Variants in LRMDA observed in about 807,000 individuals in gnomAD.
The protein encoded by LRMDA is leucine rich melanocyte differentiation associated.
LRMDA carries 18 observed loss-of-function variants against 29.8 expected under a neutral mutation model. That is an observed-to-expected ratio of 0.60 (90% CI 0.42 to 0.90). The LOEUF is 0.90. Among genes scored for constraint, LRMDA ranks in the 40% least tolerant of loss-of-function variants. The pLI, the probability that LRMDA is intolerant of heterozygous loss-of-function variation, is 0.00. For missense variants in LRMDA, 273 were observed against 273.9 expected, an observed-to-expected ratio of 1.00 and a Z score of 0.02; for synonymous variants, 125 against 109.4, an observed-to-expected ratio of 1.14 and a Z score of -0.89.
At chr10:76,119,291 C>T (rs1449647413) in intron 5 of LRMDA, among the ~76,000 whole-genome samples, 1 of 151,954 alleles carries the variant, frequency 6.6e-6, no homozygotes. Context: ...GCCAAGGCTC[C>T]TCACACTTAA....
intron 6 of LRMDA, among the ~76,000 whole-genome samples, chr10:76,539,980 A>G (rs934353144): frequency 3.2e-5 from 4 of 124,354 alleles, no homozygotes; most frequent in Admixed American, 2.2e-4. Context: ...TGATATCAAC[A>G]TGTTCACACA....
chr10:76,324,611 G>A (rs1840812568), intron 6 of LRMDA, 126 bp downstream of exon 6: 2 of 779,506 alleles, frequency 2.6e-6, no homozygotes, highest in Non-Finnish European at 4.3e-6. Flanking sequence ...AGTCCTTGAT[G>A]AGAAAACCAT....
intron 6 of LRMDA, among the ~76,000 whole-genome samples, chr10:76,449,849 G>A (rs1842388829): frequency 6.6e-6 from 1 of 151,878 alleles, no homozygotes; most frequent in Non-Finnish European, 1.5e-5. Flanking sequence ...GTATTTATCA[G>A]TGTTTATTCC....
rs143591902 is a variant in LRMDA, at chr10:75,526,207, A to G, written c.131+87713A>G. 5.1e-4 allele frequency among the ~76,000 whole-genome samples: 78 copies of G among 152,138 alleles called. No individual in the cohort carries two copies. In the East Asian group the frequency reaches 0.014, roughly 27 times the overall value. On this transcript the variant is annotated intron_variant, in intron 2 of 6. Coordinates refer to ENST00000611255, the MANE Select transcript of LRMDA (RefSeq NM_001305581.2). ...CAGCCTCCAGAGTAGAAGGGACCAC[A>G]GGCATGTACCACCACACCCAGCTAA...
Position 76,331,207 on chromosome 10 carries a change from G to A in LRMDA, c.601+6722G>A, listed in dbSNP as rs565372746. On this transcript the variant is annotated intron_variant, in intron 6 of 6. Transcript: ENST00000611255. ...AATTGCTTGAACCCAGGAGGCGAAG[G>A]TTGCAGTGAGTGGAGATCGTGCCAC... is the stretch of plus-strand genomic sequence containing the variant. 3.9e-5 allele frequency among the ~76,000 whole-genome samples: 6 copies of A among 152,284 alleles called. No homozygotes were observed. In the South Asian group the frequency reaches 1.2e-3, roughly 32 times the overall value.
intron 5 of LRMDA, among the ~76,000 whole-genome samples, chr10:76,078,851 A>G (rs376089505): frequency 2.4e-5 from 3 of 123,782 alleles, no homozygotes; most frequent in South Asian, 4.9e-4. Context: ...AAAAACAAAC[A>G]AACAAAAAAA....
At chr10:75,539,317 A>G (rs927500192) in intron 2 of LRMDA, among the ~76,000 whole-genome samples, 1 of 152,238 alleles carries the variant, frequency 6.6e-6, no homozygotes, top group Non-Finnish European at 1.5e-5. Flanking sequence ...TTTTACACAG[A>G]GTACGGGCTT....
At chr10:76,418,435 TTTAC>T (rs1196613211) in intron 6 of LRMDA, among the ~76,000 whole-genome samples, 3 of 151,982 alleles carry the variant, frequency 2.0e-5, no homozygotes, top group Non-Finnish European at 4.4e-5. Flanking sequence ...GGTAATATGA[TTTAC>T]TTATTTTTTG....
chr10:76,047,355 T>G (rs1257411245), intron 4 of LRMDA, 52 bp downstream of exon 4: 8 of 1,524,548 alleles, frequency 5.2e-6, no homozygotes, highest in Non-Finnish European at 3.5e-6. Flanking sequence ...AGAGAAACTT[T>G]AGGGGATGAT....
At chr10:75,558,260 A>T (rs1019185428) in intron 2 of LRMDA, among the ~76,000 whole-genome samples, 32 of 151,484 alleles carry the variant, frequency 2.1e-4, no homozygotes, top group African/African-American at 6.5e-4. Context: ...TAACTAAGGC[A>T]GTTTGGGGGT....
chr10:76,092,281 T>C (rs1391770000), intron 5 of LRMDA, among the ~76,000 whole-genome samples: 2 of 152,210 alleles, frequency 1.3e-5, no homozygotes, highest in Non-Finnish European at 2.9e-5. Flanking sequence ...TGAAATTGTG[T>C]TGAGTTATGT....
At chr10:75,832,503 G>A (rs940799399) in intron 2 of LRMDA, among the ~76,000 whole-genome samples, 1 of 152,114 alleles carries the variant, frequency 6.6e-6, no homozygotes, top group African/African-American at 2.4e-5. Context: ...ATATTTTCCT[G>A]TCTTCTTCTG....
chr10:75,546,507 T>A (rs1002982462), intron 2 of LRMDA, among the ~76,000 whole-genome samples: 1 of 152,222 alleles, frequency 6.6e-6, no homozygotes, highest in African/African-American at 2.4e-5. Flanking sequence ...TGGTTATTTC[T>A]AGTGTTGGGA....
chr10:76,245,458 T>C (rs1222174335), intron 5 of LRMDA, among the ~76,000 whole-genome samples: 1 of 152,180 alleles, frequency 6.6e-6, no homozygotes, highest in Non-Finnish European at 1.5e-5. Context: ...TCCATGTACA[T>C]TTCCCTATGT....
chr10:75,926,903 A>G (rs1321810372), intron 2 of LRMDA, among the ~76,000 whole-genome samples: 1 of 152,130 alleles, frequency 6.6e-6, no homozygotes. Flanking sequence ...CTTACATATT[A>G]CAGTAAGGCG....
intron 2 of LRMDA, among the ~76,000 whole-genome samples, chr10:75,452,335 T>C (rs1844471256): frequency 6.6e-6 from 1 of 152,196 alleles, no homozygotes; most frequent in South Asian, 2.1e-4. Context: ...GTCTCTGTTC[T>C]TTGTTCACCC....
At chr10:76,485,168 A>G (rs1226062083) in intron 6 of LRMDA, among the ~76,000 whole-genome samples, 1 of 151,814 alleles carries the variant, frequency 6.6e-6, no homozygotes, top group African/African-American at 2.4e-5. Context: ...AACATCTACC[A>G]TGTTTGTAAC....
intron 2 of LRMDA, among the ~76,000 whole-genome samples, chr10:75,615,899 A>G (rs1841092167): frequency 6.6e-6 from 1 of 152,170 alleles, no homozygotes; most frequent in African/African-American, 2.4e-5. Flanking sequence ...TACTGAATGG[A>G]CTTTTAAAAT....
rs144945749 is a variant in LRMDA, at chr10:76,363,113, T to C, written c.601+38628T>C. On this transcript the variant is annotated intron_variant, in intron 6 of 6. Coordinates refer to ENST00000611255, the MANE Select transcript of LRMDA (RefSeq NM_001305581.2). ...GTGCTAGAGGTTTCAGCCTGTGGAG[T>C]AAGGAAAGAAAGAAAGAAAGAAAGA... Among the ~76,000 whole-genome samples, 980 of 105,406 alleles carry C rather than the reference T, an allele frequency of 9.3e-3. 16 individuals are homozygous for C. The highest frequency in any genetic ancestry group is 0.033 in the African/African-American group (924 of 27,732). The allele number at this position is 105,406 out of a possible 152,430, so 69.2% of individuals were successfully genotyped here.
Sources: gnomAD v4.1 joint callset for allele counts (sites outside exome capture counted in the v4.1 genomes callset) on GRCh38, gnomAD v4.1.1 for gene constraint, MANE v1.5 for transcripts, NCBI Gene and HGNC (gene_info 2026-07-23, HGNC 2026-07-21) for gene names.